The following PDE4B variants were observed in gnomAD, a reference collection of about 807,000 sequenced individuals.
PDE4B encodes the protein 3',5'-cyclic-AMP phosphodiesterase 4B.
PDE4B carries 20 observed loss-of-function variants against 82.2 expected under a neutral mutation model. The ratio of observed to expected loss-of-function variants is 0.24; its 90% confidence interval spans 0.17 to 0.35. The LOEUF is 0.35. Among genes scored for constraint, PDE4B ranks in the 10% least tolerant of loss-of-function variants. PDE4B has a pLI of 1.00. For synonymous variants in PDE4B, 320 were observed against 318.9 expected, an observed-to-expected ratio of 1.00 and a Z score of -0.04; for missense variants, 655 against 907.2, an observed-to-expected ratio of 0.72 and a Z score of 3.57.
intron 7 of PDE4B, among the ~76,000 whole-genome samples, chr1:66,305,224 G>A (rs148493311): frequency 1.5e-3 from 223 of 152,232 alleles, no homozygotes; most frequent in Non-Finnish European, 2.7e-3. Flanking sequence ...CTGTAATTGA[G>A]CTTAAAATCA....
chr1:66,225,514 A>G (rs1034610616), intron 3 of PDE4B, among the ~76,000 whole-genome samples: 5 of 152,214 alleles, frequency 3.3e-5, no homozygotes, highest in African/African-American at 7.2e-5. Flanking sequence ...ATGGAATTCA[A>G]TGAAGGTCTG....
At chr1:65,948,675 G>A (rs1254389351) in intron 3 of PDE4B, among the ~76,000 whole-genome samples, 2 of 151,992 alleles carry the variant, frequency 1.3e-5, no homozygotes, top group Non-Finnish European at 2.9e-5. Context: ...CCTTCAATCC[G>A]ATCAAGTTGG....
chr1:66,272,779 C>CTTTTTTTTTTTTT (rs869201227), intron 7 of PDE4B, among the ~76,000 whole-genome samples: 1 of 61,658 alleles, frequency 1.6e-5, no homozygotes, highest in Non-Finnish European at 2.8e-5. Context: ...TACTAGAATT[C>CTTTTTTTTTTTTT]TTTTTTTTTT....
At chr1:66,003,360 AAC>A (rs983082712) in intron 3 of PDE4B, among the ~76,000 whole-genome samples, 112 of 152,242 alleles carry the variant, frequency 7.4e-4, no homozygotes, top group African/African-American at 2.3e-3. Context: ...AAAAAAAAAA[AAC>A]ATTTATCATC....
At chr1:65,995,424 C>T (rs1053202255) in intron 3 of PDE4B, among the ~76,000 whole-genome samples, 7 of 152,082 alleles carry the variant, frequency 4.6e-5, no homozygotes, top group Admixed American at 1.3e-4. Context: ...TTGCCTTTCC[C>T]GGGGAACCCC....
chr1:65,837,302 T>G (rs1253646799), intron 1 of PDE4B, among the ~76,000 whole-genome samples: 1 of 152,130 alleles, frequency 6.6e-6, no homozygotes, highest in African/African-American at 2.4e-5. Context: ...ATAAAGATAC[T>G]ACCTACAGGC....
chr1:66,334,909 C>T (rs944020693), intron 8 of PDE4B, among the ~76,000 whole-genome samples: 1 of 151,874 alleles, frequency 6.6e-6, no homozygotes, highest in African/African-American at 2.4e-5. Flanking sequence ...CCCAGGAGTT[C>T]GAGATAATGC....
chr1:66,217,338 C>G (rs1168772045), intron 3 of PDE4B, among the ~76,000 whole-genome samples: 1 of 152,086 alleles, frequency 6.6e-6, no homozygotes, highest in Non-Finnish European at 1.5e-5. Flanking sequence ...TGCGCAATGA[C>G]TAGCAACAGT....
intron 3 of PDE4B, among the ~76,000 whole-genome samples, chr1:66,034,159 C>T (rs996139670): frequency 2.0e-5 from 3 of 152,172 alleles, no homozygotes; most frequent in Non-Finnish European, 4.4e-5. Flanking sequence ...TGAGCTTTCT[C>T]TCTCTCTTTT....
At chr1:66,334,044 G>A (rs1248368457) in intron 8 of PDE4B, among the ~76,000 whole-genome samples, 1 of 152,112 alleles carries the variant, frequency 6.6e-6, no homozygotes, top group Non-Finnish European at 1.5e-5. Context: ...AAATCACACT[G>A]GGACTCCATG....
At chr1:66,040,449 T>C (rs1434219391) in intron 3 of PDE4B, among the ~76,000 whole-genome samples, 1 of 152,036 alleles carries the variant, frequency 6.6e-6, no homozygotes, top group Admixed American at 6.6e-5. Context: ...GGCTAGATGT[T>C]ACAATTCTTT....
intron 3 of PDE4B, among the ~76,000 whole-genome samples, chr1:66,159,692 T>G (rs1646571844): frequency 6.6e-6 from 1 of 152,226 alleles, no homozygotes; most frequent in African/African-American, 2.4e-5. Flanking sequence ...CCTCGCATAC[T>G]GGGGTAGTGT....
chr1:66,366,260 T>C (rs1663240770), intron 13 of PDE4B, among the ~76,000 whole-genome samples: 1 of 152,126 alleles, frequency 6.6e-6, no homozygotes, highest in Admixed American at 6.6e-5. Flanking sequence ...GGAAGGGTCA[T>C]TAAAAGTTCC....
At chr1:66,309,572 A>G (rs545977428) in intron 7 of PDE4B, among the ~76,000 whole-genome samples, 2 of 152,336 alleles carry the variant, frequency 1.3e-5, no homozygotes, top group South Asian at 2.1e-4. Context: ...ACGTAGCACC[A>G]CAGATTGCAG....
At chr1:66,298,366 G>A (rs974632906) in intron 7 of PDE4B, among the ~76,000 whole-genome samples, 7 of 152,140 alleles carry the variant, frequency 4.6e-5, no homozygotes, top group African/African-American at 1.7e-4. Flanking sequence ...TTCAGTGATG[G>A]GGACCTAGTA....
At chr1:66,158,208 A>G (rs762649329) in intron 3 of PDE4B, among the ~76,000 whole-genome samples, 13 of 152,220 alleles carry the variant, frequency 8.5e-5, no homozygotes, top group Non-Finnish European at 1.6e-4. Flanking sequence ...AGAAAACACA[A>G]TGGTATTACA....
At chr1:66,284,064 C>T (rs976807757) in intron 7 of PDE4B, among the ~76,000 whole-genome samples, 1 of 152,002 alleles carries the variant, frequency 6.6e-6, no homozygotes, top group Non-Finnish European at 1.5e-5. Context: ...AGTTAACAGT[C>T]GTGGGGCAGA....
At position 66,367,717 on chromosome 1, in the gene PDE4B, A is replaced by G; in HGVS notation, c.1406A>G (p.Tyr469Cys). The part of the protein sequence containing the change: ...INTNSELALM[Y>C]NDESVLENHH... ...TTAGATTCAGAACTTGCTTTGATGTATAATGATGAATCTGTGTTGGAAAAT... is the reference window on the plus strand; with the variant it reads ...TTAGATTCAGAACTTGCTTTGATGTGTAATGATGAATCTGTGTTGGAAAAT... The change falls in exon 14 of 17, where the codon TAT becomes TGT. Residue 469 changes from tyrosine to cysteine, a missense_variant. Tyr to Cys is a radical substitution (Grantham distance 194, BLOSUM62 -2). Coordinates refer to ENST00000341517, the MANE Select transcript of PDE4B (RefSeq NM_002600.4). 1 of 1,613,098 alleles carries G rather than the reference A, an allele frequency of 6.2e-7. No individual in the cohort carries two copies. The highest frequency in any genetic ancestry group is 8.5e-7 in the Non-Finnish European group (1 of 1,179,456).
At chr1:66,148,916 A>T (rs1646327639) in intron 3 of PDE4B, among the ~76,000 whole-genome samples, 2 of 152,204 alleles carry the variant, frequency 1.3e-5, no homozygotes, top group Admixed American at 1.3e-4. Context: ...GTTGATGAAC[A>T]TTTGGGTTCT....
Sources: gnomAD v4.1 joint callset for allele counts (sites outside exome capture counted in the v4.1 genomes callset) on GRCh38, gnomAD v4.1.1 for gene constraint, MANE v1.5 for transcripts, NCBI Gene and HGNC (gene_info 2026-07-23, HGNC 2026-07-21) for gene names.